PHAF1: variants seen among roughly 807,000 people sequenced by gnomAD.
PHAF1 encodes the protein phagophore assembly factor 1.
PHAF1 carries 23 observed loss-of-function variants against 63.1 expected under a neutral mutation model. That is an observed-to-expected ratio of 0.36 (90% confidence interval 0.26 to 0.52). The LOEUF (loss-of-function observed/expected upper bound fraction) is 0.52. Ranked by LOEUF, PHAF1 falls within the 20% of genes least tolerant of loss-of-function variation. The pLI is 0.93. For missense variants in PHAF1, 427 were observed against 517.2 expected (o/e 0.83, Z 1.69); for synonymous variants, 167 against 185.0 (o/e 0.90, Z 0.79).
chr16:67,127,856 A>G (rs1272946634), intron 3 of PHAF1, among the ~76,000 whole-genome samples: 3 of 152,158 alleles, frequency 2.0e-5, no homozygotes, highest in Non-Finnish European at 2.9e-5. Flanking sequence ...ACAAGTAGTC[A>G]TTTCCCTTTG....
intron 6 of PHAF1, among the ~76,000 whole-genome samples, chr16:67,133,918 C>T (rs568189998): frequency 4.6e-5 from 7 of 151,446 alleles, no homozygotes; most frequent in Non-Finnish European, 8.8e-5. Flanking sequence ...GTACTCCAAC[C>T]TGGGTGACAG....
chr16:67,129,382 G>A (rs1057173642), intron 3 of PHAF1, among the ~76,000 whole-genome samples: 6 of 152,202 alleles, frequency 3.9e-5, no homozygotes, highest in African/African-American at 7.2e-5. Context: ...GTGCTGTGAC[G>A]GCCTAGCAGA....
intron 1 of PHAF1, among the ~76,000 whole-genome samples, chr16:67,118,369 C>T (rs1266205360): frequency 1.7e-5 from 2 of 114,338 alleles, no homozygotes; most frequent in Admixed American, 1.1e-4. Flanking sequence ...CAGAGTCTTG[C>T]TCTGTCTCCC....
intron 1 of PHAF1, among the ~76,000 whole-genome samples, chr16:67,115,040 A>G (rs932687875): frequency 1.1e-4 from 16 of 152,248 alleles, no homozygotes; most frequent in Non-Finnish European, 1.8e-4. Flanking sequence ...AACATAGCCT[A>G]TTGGAGAGAC....
In PHAF1 at chr16:67,131,357, T is replaced by G; in HGVS notation, c.275+28T>G. The G allele has an allele frequency of 2.0e-6, 3 of 1,505,064 alleles. No homozygotes were observed. The Middle Eastern group carries it at 5.1e-4, about 258-fold the overall frequency. 93.2% of individuals were successfully genotyped at this position (1,505,064 alleles called of 1,614,324 possible). A position where few individuals can be genotyped will look rare whatever the true frequency, so the allele number is the denominator to read the frequency against. ...AAGTTTTCTCCCCTGCTGGTATATG[T>G]CACACTTGGTATAGACAGGCCATAT... On this transcript the variant is annotated intron_variant, in intron 4 of 15. Coordinates refer to ENST00000219139, the MANE Select transcript of PHAF1 (RefSeq NM_025187.5).
At chr16:67,144,421 G>A in intron 11 of PHAF1, 45 bp downstream of exon 11, 1 of 1,419,846 alleles carries the variant, frequency 7.0e-7, no homozygotes, top group Non-Finnish European at 9.9e-7. Flanking sequence ...GTGAGTTTTG[G>A]GCTGAAAACC....
chr16:67,114,563 GAAA>G (rs766952691), intron 1 of PHAF1, among the ~76,000 whole-genome samples: 8 of 105,706 alleles, frequency 7.6e-5, no homozygotes, highest in African/African-American at 2.8e-4. Context: ...AATGAAAGAA[GAAA>G]AAAAAAAAAA....
intron 2 of PHAF1, among the ~76,000 whole-genome samples, chr16:67,123,292 T>A (rs1211540637): frequency 1.3e-5 from 2 of 151,324 alleles, no homozygotes; most frequent in East Asian, 1.9e-4. Context: ...AAAAAAAAAA[T>A]TTGGCCAGGT....
chr16:67,117,586 C>CTTACATG (rs1429559227), intron 1 of PHAF1, among the ~76,000 whole-genome samples: 2 of 151,228 alleles, frequency 1.3e-5, no homozygotes, highest in African/African-American at 4.9e-5. Flanking sequence ...ACCATCCTGG[C>CTTACATG]TTACATGGTG....
chr16:67,117,328 T>G (rs991744086), intron 1 of PHAF1, among the ~76,000 whole-genome samples: 20 of 145,334 alleles, frequency 1.4e-4, no homozygotes, highest in African/African-American at 5.1e-4. Flanking sequence ...GGATTACAGG[T>G]GTGAGCCACC....
At position 67,145,323 on chromosome 16, in the gene PHAF1, C is replaced by T. The variant is rs966373489; in HGVS notation, c.1007-53C>T. Reference sequence around the variant, plus strand: ...GTCTGGTTCCTACCTAGGGCTGGGGCCACAGGTAGGCTGGGCCAGCTACAA... The same window carrying T: ...GTCTGGTTCCTACCTAGGGCTGGGGTCACAGGTAGGCTGGGCCAGCTACAA... On this transcript the variant is annotated intron_variant, in intron 12 of 15. Coordinates refer to ENST00000219139, the MANE Select transcript of PHAF1 (RefSeq NM_025187.5). 2.5e-6 allele frequency: 4 copies of T among 1,605,522 alleles called. No individual in the cohort carries two copies. In the African/African-American group the frequency reaches 5.4e-5, roughly 22 times the overall value.
rs1338574800 is a variant in PHAF1, at chr16:67,146,394, T to G, written c.1182+44T>G. On this transcript the variant is annotated intron_variant, in intron 15 of 15. Transcript: ENST00000219139. ...AGAAATAAACTGCCTGGGGGGTTGC[T>G]GGTCATGGCAGGGCCAGGTGAATGA... The G allele has an allele frequency of 3.9e-5, 62 of 1,576,750 alleles. 1 individual carries two copies. The East Asian group carries it at 1.4e-3, about 35-fold the overall frequency.
At chr16:67,139,638 C>G (rs1963731518) in intron 8 of PHAF1, 2 of 206,984 alleles carry the variant, frequency 9.7e-6, no homozygotes, top group South Asian at 2.0e-4. Context: ...CGTGAGCCAC[C>G]ACGTCTGGCC....
intron 2 of PHAF1, 135 bp from the exon 3 acceptor site, chr16:67,125,824 C>A: frequency 1.5e-6 from 1 of 645,162 alleles, no homozygotes; most frequent in Non-Finnish European, 2.7e-6. Context: ...GGTTTCCAAG[C>A]ACCATTAGCT....
intron 8 of PHAF1, chr16:67,134,912 A>C (rs1220020532): frequency 2.9e-6 from 1 of 345,628 alleles, no homozygotes; most frequent in Non-Finnish European, 5.7e-6. Flanking sequence ...GTCCATTGCC[A>C]CATAGTTGGT....
chr16:67,130,734 AAGC>A (rs1963361067), intron 3 of PHAF1, among the ~76,000 whole-genome samples: 1 of 152,218 alleles, frequency 6.6e-6, no homozygotes. Flanking sequence ...TTAGTGCCCA[AAGC>A]AGAGCCTTAA....
intron 1 of PHAF1, among the ~76,000 whole-genome samples, chr16:67,116,781 CAG>C (rs1962748700): frequency 6.6e-6 from 1 of 152,074 alleles, no homozygotes; most frequent in Non-Finnish European, 1.5e-5. Context: ...GCCTGGGAGA[CAG>C]AGGTTTCAGT....
intron 8 of PHAF1, among the ~76,000 whole-genome samples, chr16:67,138,259 C>T (rs1388762678): frequency 6.6e-6 from 1 of 152,106 alleles, no homozygotes; most frequent in Non-Finnish European, 1.5e-5. Context: ...TTGGTGGGTT[C>T]TATAGGTCAC....
intron 2 of PHAF1, among the ~76,000 whole-genome samples, chr16:67,121,834 C>A (rs914043632): frequency 2.6e-5 from 4 of 152,176 alleles, no homozygotes; most frequent in Admixed American, 6.5e-5. Flanking sequence ...CCGGCCTCGG[C>A]CTCCCAAAGT....
Sources: allele counts gnomAD v4.1 joint callset (sites outside exome capture counted in the v4.1 genomes callset), GRCh38; gene constraint gnomAD v4.1.1; transcripts MANE v1.5; gene names NCBI Gene and HGNC (gene_info 2026-07-23, HGNC 2026-07-21).